The following CUL3 variants were observed in gnomAD, a reference collection of about 807,000 sequenced individuals.
CUL3 encodes cullin 3.
CUL3 carries 19 observed loss-of-function variants against 89.1 expected under a neutral mutation model. The ratio of observed to expected loss-of-function variants is 0.21; its 90% confidence interval spans 0.15 to 0.31. The LOEUF is 0.31. Ranked by LOEUF, CUL3 falls within the 10% of genes least tolerant of loss-of-function variation. The pLI is 1.00. For synonymous variants in CUL3, 351 were observed against 308.4 expected, an observed-to-expected ratio of 1.14 and a Z score of -1.45; for missense variants, 469 against 942.3, an observed-to-expected ratio of 0.50 and a Z score of 6.58.
rs940448522 is a variant in CUL3, at chr2:224,513,656, T to C, written c.540-18A>G. 3 of 1,454,052 alleles carry C rather than the reference T, an allele frequency of 2.1e-6. No homozygotes were observed. Among genetic ancestry groups the C allele is most frequent in the East Asian group, 2.3e-5 (1 of 43,480 alleles). 90.1% of individuals were successfully genotyped at this position (1,454,052 alleles called of 1,614,324 possible). On this transcript the variant is annotated intron_variant, in intron 4 of 15. Transcript: ENST00000264414. ...TTGCGCCTCTGTCGAAAAAAGTTAT[T>C]ATCACTTGATAATTAAATTACATTT... is the stretch of plus-strand genomic sequence containing the variant.
At chr2:224,568,873 T>C (rs1017330657) in intron 1 of CUL3, among the ~76,000 whole-genome samples, 2 of 152,218 alleles carry the variant, frequency 1.3e-5, no homozygotes, top group African/African-American at 4.8e-5. Flanking sequence ...TGGCATCAAA[T>C]GCACGTCAAC....
chr2:224,484,139 C>G (rs1691633587), intron 13 of CUL3, among the ~76,000 whole-genome samples: 1 of 151,956 alleles, frequency 6.6e-6, no homozygotes, highest in Admixed American at 6.6e-5. Context: ...CCACTGCACT[C>G]CAGTCTGGGC....
At chr2:224,583,510 A>T (rs769520761) in intron 1 of CUL3, among the ~76,000 whole-genome samples, 12 of 152,226 alleles carry the variant, frequency 7.9e-5, no homozygotes, top group Non-Finnish European at 1.6e-4. Context: ...GGGAAAACAT[A>T]CTAGTAAGCT....
chr2:224,563,753 C>A (rs915396263), intron 1 of CUL3, among the ~76,000 whole-genome samples: 1 of 152,132 alleles, frequency 6.6e-6, no homozygotes, highest in Non-Finnish European at 1.5e-5. Flanking sequence ...ACACCCCACA[C>A]CCATTAAAAA....
intron 2 of CUL3, among the ~76,000 whole-genome samples, chr2:224,541,794 C>CA (rs1400151223): frequency 6.6e-6 from 1 of 151,848 alleles, no homozygotes; most frequent in Non-Finnish European, 1.5e-5. Context: ...AGAAACCAGA[C>CA]TCAAAAGATT....
chr2:224,513,929 G>C (rs920226640), intron 4 of CUL3, among the ~76,000 whole-genome samples: 1 of 152,188 alleles, frequency 6.6e-6, no homozygotes, highest in Non-Finnish European at 1.5e-5. Flanking sequence ...AAGGGAGAGA[G>C]GGAGATAGGC....
At chr2:224,479,912 TGC>T (rs1691470107) in intron 14 of CUL3, 2 of 152,188 alleles carry the variant, frequency 1.3e-5, no homozygotes, top group African/African-American at 4.8e-5. Flanking sequence ...CTTAAATACC[TGC>T]AGAAAAACAT....
rs1694763199 is a variant in CUL3, at chr2:224,557,867, CAA to C, written c.67-13_67-12del. 1 of 341,000 alleles carries C rather than the reference CAA, an allele frequency of 2.9e-6. No homozygotes were observed. The highest frequency in any genetic ancestry group is 5.1e-6 in the Non-Finnish European group (1 of 196,188). 21.1% of individuals were successfully genotyped at this position (341,000 alleles called of 1,614,324 possible). Reference sequence around the variant, plus strand: ...TTCATCCATGGTCATCTGTAATATCCAAGAGAGAGAAGAGACAAAAAAAAAAA... The same window carrying C: ...TTCATCCATGGTCATCTGTAATATCCGAGAGAGAAGAGACAAAAAAAAAAA... On this transcript the variant is annotated splice_polypyrimidine_tract_variant and intron_variant, in intron 1 of 15. Coordinates refer to ENST00000264414, the MANE Select transcript of CUL3 (RefSeq NM_003590.5).
intron 9 of CUL3, 25 bp from the exon 10 acceptor site, chr2:224,503,097 C>T (rs752080272): frequency 7.5e-7 from 1 of 1,337,840 alleles, no homozygotes; most frequent in Non-Finnish European, 1.1e-6. Context: ...CACAAATATA[C>T]ACAAATAAAT....
intron 1 of CUL3, among the ~76,000 whole-genome samples, chr2:224,578,739 A>G (rs1336753677): frequency 1.3e-5 from 2 of 152,176 alleles, no homozygotes; most frequent in Admixed American, 6.5e-5. Flanking sequence ...TGCATTATTT[A>G]AAACTACAAA....
At chr2:224,533,758 A>G (rs1436794891) in intron 3 of CUL3, among the ~76,000 whole-genome samples, 1 of 152,232 alleles carries the variant, frequency 6.6e-6, no homozygotes, top group Admixed American at 6.5e-5. Context: ...CACAAGGTTA[A>G]TTTATAACCG....
intron 2 of CUL3, among the ~76,000 whole-genome samples, chr2:224,551,676 T>C (rs543204419): frequency 6.6e-6 from 1 of 152,294 alleles, no homozygotes; most frequent in Middle Eastern, 3.4e-3. Context: ...TTTACTGGAA[T>C]ACTGCCATGT....
At chr2:224,553,579 T>C (rs148693524) in intron 2 of CUL3, among the ~76,000 whole-genome samples, 1 of 152,346 alleles carries the variant, frequency 6.6e-6, no homozygotes, top group East Asian at 1.9e-4. Flanking sequence ...ATTCATATTA[T>C]GAAACCCTAA....
intron 7 of CUL3, 81 bp downstream of exon 7, chr2:224,506,777 A>C (rs1692618184): frequency 8.3e-7 from 1 of 1,208,574 alleles, no homozygotes; most frequent in Non-Finnish European, 1.2e-6. Context: ...TACACAATAC[A>C]CAGCATGGTA....
chr2:224,569,067 T>C (rs1042256611), intron 1 of CUL3, among the ~76,000 whole-genome samples: 1 of 152,154 alleles, frequency 6.6e-6, no homozygotes, highest in Non-Finnish European at 1.5e-5. Context: ...GCAATAAAAT[T>C]TAAAGGCTCT....
intron 1 of CUL3, among the ~76,000 whole-genome samples, chr2:224,576,452 C>G (rs1418253722): frequency 6.6e-6 from 1 of 152,208 alleles, no homozygotes; most frequent in Non-Finnish European, 1.5e-5. Flanking sequence ...CGACCCTCTA[C>G]TACATCTTAA....
At chr2:224,501,820 T>C (rs977748477) in intron 10 of CUL3, among the ~76,000 whole-genome samples, 8 of 152,192 alleles carry the variant, frequency 5.3e-5, no homozygotes, top group African/African-American at 1.4e-4. Flanking sequence ...GCATGGGATC[T>C]AGCCCAATCT....
At chr2:224,567,193 G>T (rs186655170) in intron 1 of CUL3, among the ~76,000 whole-genome samples, 1 of 152,090 alleles carries the variant, frequency 6.6e-6, no homozygotes, top group South Asian at 2.1e-4. Flanking sequence ...ACACGAAGAT[G>T]ATTAGTCACA....
At chr2:224,544,744 G>A (rs1694239539) in intron 2 of CUL3, among the ~76,000 whole-genome samples, 1 of 149,524 alleles carries the variant, frequency 6.7e-6, no homozygotes, top group South Asian at 2.2e-4. Flanking sequence ...ATCAATAAAA[G>A]TGGCTTACTA....
Sources: gnomAD v4.1 joint callset for allele counts (sites outside exome capture counted in the v4.1 genomes callset) on GRCh38, gnomAD v4.1.1 for gene constraint, MANE v1.5 for transcripts, NCBI Gene and HGNC (gene_info 2026-07-23, HGNC 2026-07-21) for gene names.